MAP1A: variants seen among roughly 807,000 people sequenced by gnomAD.
MAP1A encodes microtubule associated protein 1A.
Under a neutral mutation model 185.9 loss-of-function variants are expected in MAP1A, and 42 were observed. That is an observed-to-expected ratio of 0.23 (90% CI 0.18 to 0.29). The LOEUF (loss-of-function observed/expected upper bound fraction) is 0.29, where lower values mean the gene tolerates loss of function less well. MAP1A is among the 10% of genes least tolerant of loss of function. The pLI is 1.00. For missense variants in MAP1A, 2,995 were observed against 3,450.4 expected, an observed-to-expected ratio of 0.87 and a Z score of 3.31; for synonymous variants, 1,229 against 1,335.9, an observed-to-expected ratio of 0.92 and a Z score of 1.74.
chr15:43,528,802 C>A lies in MAP1A; in HGVS notation c.7329C>A (p.Pro2443=). ...GPQGCATEPR[P]HRGELSPSFL... ...AGGGATGTGCCACTGAGCCTCGGCC[C>A]CATCGTGGGGAGCTCTCCCCATCCT... The change falls in exon 4 of 6, where the codon CCC becomes CCA. Residue 2443 remains proline, a synonymous_variant. Transcript: ENST00000300231. 1 of 1,613,562 alleles carries A rather than the reference C, an allele frequency of 6.2e-7. No individual in the cohort carries two copies. Among genetic ancestry groups the A allele is most frequent in the Non-Finnish European group, 8.5e-7 (1 of 1,179,964 alleles).
chr15:43,526,082 C>G lies in MAP1A; in HGVS notation c.4609C>G (p.Gln1537Glu), dbSNP rs529356353. The change falls in exon 4 of 6, where the codon CAG becomes GAG. Residue 1537 changes from glutamine (Q) to glutamate (E), a missense_variant. Gln to Glu is a conservative substitution (Grantham distance 29, BLOSUM62 2). Transcript: ENST00000300231. This position sits in a 1 kb window ranked among gnomAD's most constrained non-coding sequence, Gnocchi z 4.7. ...DKAPEQKHQA[Q>E]EQKDKVSEKK... Reference sequence around the variant, plus strand: ...AGCCCCTGAACAGAAACACCAGGCCCAGGAACAAAAGGATAAAGTCTCAGA... The same window carrying G: ...AGCCCCTGAACAGAAACACCAGGCCGAGGAACAAAAGGATAAAGTCTCAGA... 36 of 1,614,060 alleles carry G rather than the reference C, an allele frequency of 2.2e-5. 1 individual carries two copies. In the East Asian group the frequency reaches 7.8e-4, roughly 35 times the overall value.
chr15:43,515,050 A>G (rs898829754), upstream of MAP1A, among the ~76,000 whole-genome samples: 2 of 152,106 alleles, frequency 1.3e-5, no homozygotes, highest in African/African-American at 4.8e-5. Flanking sequence ...ACCCTCTTCT[A>G]CTAAAAATAC....
chr15:43,527,644 C>T lies in MAP1A; in HGVS notation c.6171C>T (p.Leu2057=). The T allele has an allele frequency of 1.2e-6, 2 of 1,613,916 alleles. No homozygotes were observed. Among genetic ancestry groups the T allele is most frequent in the Non-Finnish European group, 1.7e-6 (2 of 1,179,926 alleles). Residue 2057 remains leucine, a synonymous_variant, in exon 4 of 6, where the codon CTC becomes CTT. Coordinates refer to ENST00000300231, the MANE Select transcript of MAP1A (RefSeq NM_002373.6). Reference sequence around the variant, plus strand: ...CAGGGCCAAGTATGGAGCCCAGCCTCACCCCACCTGCAGTTCCCCCCCGTG... The same window carrying T: ...CAGGGCCAAGTATGGAGCCCAGCCTTACCCCACCTGCAGTTCCCCCCCGTG... ...PEPGPSMEPS[L]TPPAVPPRAP...
In MAP1A at chr15:43,512,224, T is replaced by C. The variant is rs758846985; in HGVS notation, c.273T>C (p.Phe91=). The change falls in exon 2 of 7, where the codon TTT becomes TTC. Residue 91 remains phenylalanine (F), a synonymous_variant. Coordinates refer to the MAP1A transcript ENST00000382031. ...CCTGGAACATTGACCTGTCATCCTT[T>C]GACTTGAACCAACAGTTGAGACTCT... 19 of 1,550,120 alleles carry C rather than the reference T, an allele frequency of 1.2e-5. No homozygotes were observed. The East Asian group carries it at 4.4e-4, about 36-fold the overall frequency.
chr15:43,513,251 CG>C (rs1205209855), upstream of MAP1A, among the ~76,000 whole-genome samples: 4 of 151,804 alleles, frequency 2.6e-5, no homozygotes, highest in Admixed American at 1.3e-4. Flanking sequence ...CGCTTGAACC[CG>C]GGAGGCAGAG....
Position 43,526,654 on chromosome 15 carries a change from C to G in MAP1A, c.5181C>G (p.Ser1727Arg). ...CACACTACACTGAGGAACGGGAAAG[C>G]ACTTTCCTAGATGAGGGCCCAGATG... is the stretch of plus-strand genomic sequence containing the variant. ...ARPHYTEERE[S>R]TFLDEGPDDE... The change falls in exon 4 of 6, where the codon AGC becomes AGG. Residue 1727 changes from serine to arginine, a missense_variant. Coordinates refer to ENST00000300231, the MANE Select transcript of MAP1A (RefSeq NM_002373.6). This position sits in a 1 kb window ranked among gnomAD's most constrained non-coding sequence, Gnocchi z 4.7. 6.2e-7 allele frequency: 1 copy of G among 1,614,036 alleles called. No homozygotes were observed. The highest frequency in any genetic ancestry group is 1.1e-5 in the South Asian group (1 of 91,084).
chr15:43,523,348 A>G lies in MAP1A; in HGVS notation c.1875A>G (p.Glu625=), dbSNP rs1441490964. 1.2e-6 allele frequency: 2 copies of G among 1,610,370 alleles called. No homozygotes were observed. The highest frequency in any genetic ancestry group is 1.3e-5 in the African/African-American group (1 of 74,830). Residue 625 remains glutamate (E), a synonymous_variant, in exon 4 of 6, where the codon GAA becomes GAG. Coordinates refer to ENST00000300231, the MANE Select transcript of MAP1A (RefSeq NM_002373.6). The part of the protein sequence containing the change: ...ETEEEKDTWE[E]KKQREAERLP... ...AGGAAGAGAAAGATACCTGGGAGGA[A>G]AAGAAGCAGAGGGAAGCAGAGAGGC...
In MAP1A at chr15:43,525,487, T is replaced by C. The variant is rs2079339118; in HGVS notation, c.4014T>C (p.Ile1338=). Residue 1338 remains isoleucine (I), a synonymous_variant, in exon 4 of 6, where the codon ATT becomes ATC. Coordinates refer to ENST00000300231, the MANE Select transcript of MAP1A (RefSeq NM_002373.6). ...TGCCAGGCCCTGCCTTGGAGGACAT[T>C]GCCATAAAGTGGGAAGATAAAGTTC... The part of the protein sequence containing the change: ...ESLPGPALED[I]AIKWEDKVPG... 1 of 1,614,060 alleles carries C rather than the reference T, an allele frequency of 6.2e-7. No homozygotes were observed. The highest frequency in any genetic ancestry group is 1.3e-5 in the African/African-American group (1 of 74,914).
Position 43,529,761 on chromosome 15 carries a change from G to T in MAP1A, c.8147G>T (p.Arg2716Leu). Residue 2716 changes from arginine (R) to leucine (L), a missense_variant, in exon 5 of 6, where the codon CGT (arginine) becomes CTT (leucine). Coordinates refer to ENST00000300231, the MANE Select transcript of MAP1A (RefSeq NM_002373.6). The surrounding 1 kb of genome is among the most constrained non-coding windows in gnomAD (Gnocchi z 4.3). ...GACCTTGACTTCTTCCGTCGAGTGC[G>T]TGCATCCTACTATGTGGTCAGTGGG... ...TADLDFFRRV[R>L]ASYYVVSGND... 1.2e-6 allele frequency: 2 copies of T among 1,614,144 alleles called. No homozygotes were observed. The highest frequency in any genetic ancestry group is 1.7e-6 in the Non-Finnish European group (2 of 1,180,026).
intron 1 of MAP1A, chr15:43,511,321 C>T: frequency 1.1e-6 from 1 of 948,414 alleles, no homozygotes; most frequent in Non-Finnish European, 1.6e-6. Flanking sequence ...GCATCTCCAT[C>T]CCTAGTGTGC....
Position 43,523,789 on chromosome 15 carries a change from A to G in MAP1A, c.2316A>G (p.Thr772=). ...RPAPPRFHTS[T]YDLPGPEGAG... ...CTCCACCCAGATTTCATACAAGTAC[A>G]TATGACCTGCCCGGGCCTGAAGGTG... The change falls in exon 4 of 6, where the codon ACA becomes ACG. Residue 772 remains threonine, a synonymous_variant. Transcript: ENST00000300231. The G allele has an allele frequency of 6.2e-7, 1 of 1,614,070 alleles. No homozygotes were observed. The highest frequency in any genetic ancestry group is 8.5e-7 in the Non-Finnish European group (1 of 1,179,998).
Position 43,523,175 on chromosome 15 carries a change from C to A in MAP1A, c.1702C>A (p.Pro568Thr). ...PFPLDTAEEG[P>T]PSTAIQGTPP... ...CCCTCTAGACACTGCAGAGGAGGGA[C>A]CCCCAAGTACAGCTATCCAGGGAAC... Residue 568 changes from proline (P) to threonine (T), a missense_variant, in exon 4 of 6, where the codon CCC becomes ACC. By Grantham distance (38) the Pro-to-Thr change is conservative (BLOSUM62 -1). Transcript: ENST00000300231. The A allele has an allele frequency of 6.2e-7, 1 of 1,614,058 alleles. No homozygotes were observed. Among genetic ancestry groups the A allele is most frequent in the Non-Finnish European group, 8.5e-7 (1 of 1,180,002 alleles).
In MAP1A at chr15:43,530,319, A is replaced by G; in HGVS notation, c.*95A>G. The G allele has an allele frequency of 2.7e-6, 4 of 1,483,058 alleles. No individual in the cohort carries two copies. The highest frequency in any genetic ancestry group is 3.7e-6 in the Non-Finnish European group (4 of 1,091,534). The allele number at this position is 1,483,058 out of a possible 1,614,324, so 91.9% of individuals were successfully genotyped here. ...TTTGGGGTTGAGGGAGATGGGAGCT[A>G]GGGGGAGGGGAGGGAGATGTCTTGT... On this transcript the variant is annotated 3_prime_UTR_variant, in exon 6 of 6. Transcript: ENST00000300231.
rs565154017 is a variant in MAP1A at position 43,526,775 on chromosome 15, G to A, written c.5302G>A (p.Glu1768Lys). 6.2e-7 allele frequency: 1 copy of A among 1,614,176 alleles called. No homozygotes were observed. Among genetic ancestry groups the A allele is most frequent in the Non-Finnish European group, 8.5e-7 (1 of 1,180,034 alleles). The part of the protein sequence containing the change: ...FQESSPQKGL[E>K]VERWLAESPV... ...GGAATCCTCACCACAGAAGGGGCTA[G>A]AGGTGGAGCGCTGGCTTGCTGAATC... Residue 1768 changes from glutamate (E) to lysine (K), a missense_variant, in exon 4 of 6, where the codon GAG (glutamate) becomes AAG (lysine). By Grantham distance (56) the Glu-to-Lys change is moderately conservative. Transcript: ENST00000300231. This position sits in a 1 kb window ranked among gnomAD's most constrained non-coding sequence, Gnocchi z 4.7.
upstream of MAP1A, among the ~76,000 whole-genome samples, chr15:43,517,029 A>G (rs999081127): frequency 9.2e-5 from 14 of 152,032 alleles, no homozygotes; most frequent in Admixed American, 9.2e-4. Context: ...CCATGTGTCC[A>G]CTCCGGAATT....
At position 43,528,283 on chromosome 15, in the gene MAP1A, T is replaced by C; in HGVS notation, c.6810T>C (p.Ser2270=). 6.2e-7 allele frequency: 1 copy of C among 1,614,062 alleles called. No homozygotes were observed. The highest frequency in any genetic ancestry group is 1.1e-5 in the South Asian group (1 of 91,082). Residue 2270 remains serine (S), a synonymous_variant, in exon 4 of 6, where the codon AGT becomes AGC. Coordinates refer to ENST00000300231, the MANE Select transcript of MAP1A (RefSeq NM_002373.6). ...SSEATTPVIS[S]VAERFSPSLE... ...AGGCTACCACGCCTGTGATTTCAAG[T>C]GTGGCGGAGCGCTTCTCTCCAAGCC... is the stretch of plus-strand genomic sequence containing the variant.
At position 43,530,393 on chromosome 15, in the gene MAP1A, A is replaced by T; in HGVS notation, c.*169A>T. The T allele has an allele frequency of 1.3e-6, 1 of 771,902 alleles. No individual in the cohort carries two copies. The allele number at this position is 771,902 out of a possible 1,614,324, so 47.8% of individuals were successfully genotyped here. A position where few individuals can be genotyped will look rare whatever the true frequency, so the allele number is the denominator to read the frequency against. On this transcript the variant is annotated 3_prime_UTR_variant, in exon 6 of 6. Transcript: ENST00000300231. ...ATGGGAGGGGTTGTCCCTCCCCATC[A>T]TCCATTCCTGTGAGGTGTCTCAAAC...
chr15:43,526,125 T>C lies in MAP1A; in HGVS notation c.4652T>C (p.Leu1551Ser), dbSNP rs1472306607. 1.5e-5 allele frequency: 24 copies of C among 1,613,746 alleles called. No individual in the cohort carries two copies. The highest frequency in any genetic ancestry group is 2.0e-5 in the Non-Finnish European group (24 of 1,179,996). The change falls in exon 4 of 6, where the codon TTA becomes TCA. Residue 1551 changes from leucine to serine, a missense_variant. By Grantham distance (145) the Leu-to-Ser change is moderately radical. This residue lies in a region of MAP1A where 2,728 missense variants were observed against 2,986.0 expected (regional missense o/e 0.91). Coordinates refer to ENST00000300231, the MANE Select transcript of MAP1A (RefSeq NM_002373.6). The surrounding 1 kb of genome is among the most constrained non-coding windows in gnomAD (Gnocchi z 4.7). ...GTCTCAGAAAAGAAGGATCAGGCCT[T>C]AGAACAAAAATACTGGGCTTTGGGA... ...DKVSEKKDQA[L>S]EQKYWALGQK...
In MAP1A at chr15:43,522,841, C is replaced by A; in HGVS notation, c.1368C>A (p.Leu456=). ...AGAGGAAAGATACCAAACCTGAGCT[C>A]AAGAAGATTTCCAAGCCAGACCTAA... ...EEKRKDTKPE[L]KKISKPDLKP... The change falls in exon 4 of 6, where the codon CTC becomes CTA. Residue 456 remains leucine (L), a synonymous_variant. Coordinates refer to ENST00000300231, the MANE Select transcript of MAP1A (RefSeq NM_002373.6). The surrounding 1 kb of genome is among the most constrained non-coding windows in gnomAD (Gnocchi z 5.9). 6.2e-7 allele frequency: 1 copy of A among 1,600,530 alleles called. No individual in the cohort carries two copies. The highest frequency in any genetic ancestry group is 8.5e-7 in the Non-Finnish European group (1 of 1,172,654).
Sources: allele counts gnomAD v4.1 joint callset (sites outside exome capture counted in the v4.1 genomes callset), GRCh38; gene constraint gnomAD v4.1.1; regional missense constraint gnomAD v4.1.1; non-coding constraint Gnocchi (gnomAD v3.1); transcripts MANE v1.5; gene names NCBI Gene and HGNC (gene_info 2026-07-23, HGNC 2026-07-21).